RTF2: variants seen among roughly 807,000 people sequenced by gnomAD.
RTF2 encodes the protein replication termination factor 2.
In RTF2, 18 loss-of-function variants were observed where a neutral mutation model predicts 38.0. That is an observed-to-expected ratio of 0.47 (90% confidence interval 0.33 to 0.70). RTF2 has a LOEUF of 0.70. Among genes scored for constraint, RTF2 ranks in the 30% least tolerant of loss-of-function variants. The probability of loss-of-function intolerance (pLI) is 0.02; values close to 1 mark genes in which losing one functional copy is unlikely to be tolerated. For synonymous variants in RTF2, 126 were observed against 137.1 expected (o/e 0.92, Z 0.57); for missense variants, 311 against 379.6 (o/e 0.82, Z 1.50).
Position 56,518,541 on chromosome 20 carries a change from G to A in RTF2, c.*276G>A. The A allele has an allele frequency of 6.1e-6, 2 of 327,076 alleles. No homozygotes were observed. Among genetic ancestry groups the A allele is most frequent in the Non-Finnish European group, 1.1e-5 (2 of 180,854 alleles). 20.3% of individuals were successfully genotyped at this position (327,076 alleles called of 1,614,324 possible). On this transcript the variant is annotated 3_prime_UTR_variant, in exon 9 of 9. Coordinates refer to ENST00000357348, the MANE Select transcript of RTF2 (RefSeq NM_016407.5). ...CCATGGCCAGGAAGCCCTGTGGGCT[G>A]CACTTTTTATGCTTGCAGTAACAAG...
At chr20:56,497,623 G>T (rs1983641838) in intron 5 of RTF2, 1 of 1,272,390 alleles carries the variant, frequency 7.9e-7, no homozygotes, top group Non-Finnish European at 1.0e-6. Context: ...TGAGCTCCAG[G>T]TGCATTCTTA....
At chr20:56,512,337 C>T (rs1984728199) in intron 5 of RTF2, among the ~76,000 whole-genome samples, 1 of 152,124 alleles carries the variant, frequency 6.6e-6, no homozygotes, top group Non-Finnish European at 1.5e-5. Flanking sequence ...GTGCTAGGCA[C>T]TGGGTAGCTG....
chr20:56,488,075 G>C (rs1036307191), intron 5 of RTF2, among the ~76,000 whole-genome samples: 1 of 152,148 alleles, frequency 6.6e-6, no homozygotes, highest in Non-Finnish European at 1.5e-5. Context: ...ATCATAGAGC[G>C]TGGGGCCAGA....
At chr20:56,482,935 C>A (rs1320642230) in intron 4 of RTF2, among the ~76,000 whole-genome samples, 1 of 152,218 alleles carries the variant, frequency 6.6e-6, no homozygotes, top group Non-Finnish European at 1.5e-5. Flanking sequence ...TAGAAATCGA[C>A]ACGTATTCTT....
At chr20:56,495,219 A>G in intron 5 of RTF2, 3 of 1,551,272 alleles carry the variant, frequency 1.9e-6, no homozygotes, top group Non-Finnish European at 2.6e-6. Flanking sequence ...TCCATCATGA[A>G]CATTTCCTTC....
intron 5 of RTF2, chr20:56,497,548 T>G (rs375376983): frequency 7.2e-7 from 1 of 1,397,696 alleles, no homozygotes; most frequent in South Asian, 1.2e-5. Flanking sequence ...TAAAGAAAAA[T>G]GAAGATGCAA....
intron 1 of RTF2, chr20:56,470,473 C>A: frequency 2.4e-6 from 1 of 414,826 alleles, no homozygotes; most frequent in South Asian, 1.7e-5. Flanking sequence ...GTGAACAAGG[C>A]AGAGTCTAGC....
intron 1 of RTF2, among the ~76,000 whole-genome samples, chr20:56,471,339 C>A (rs553381315): frequency 7.8e-4 from 119 of 152,226 alleles, no homozygotes; most frequent in African/African-American, 2.6e-3. Flanking sequence ...GAGGCTGAAG[C>A]AGGCGGATCA....
At chr20:56,483,355 T>A (rs371891477) in intron 4 of RTF2, among the ~76,000 whole-genome samples, 1 of 151,596 alleles carries the variant, frequency 6.6e-6, no homozygotes, top group African/African-American at 2.4e-5. Context: ...TTTTTTTTTT[T>A]AAAGCGACAA....
intron 2 of RTF2, 129 bp downstream of exon 2, chr20:56,473,524 C>G (rs567125555): frequency 4.7e-6 from 3 of 633,898 alleles, no homozygotes; most frequent in South Asian, 3.5e-5. Context: ...GGCTGTCGTT[C>G]CCTGTCTCTG....
At chr20:56,505,909 A>T (rs1236168436) in intron 5 of RTF2, among the ~76,000 whole-genome samples, 2 of 152,180 alleles carry the variant, frequency 1.3e-5, no homozygotes, top group Non-Finnish European at 2.9e-5. Flanking sequence ...TTTACAAAAC[A>T]GGTGTCGTGA....
Position 56,473,276 on chromosome 20 carries a change from A to C in RTF2, c.70-25A>C, listed in dbSNP as rs1216072329. 1.4e-5 allele frequency: 22 copies of C among 1,525,976 alleles called. No individual in the cohort carries two copies. The East Asian group carries it at 4.7e-4, about 33-fold the overall frequency. The allele number at this position is 1,525,976 out of a possible 1,614,324, so 94.5% of individuals were successfully genotyped here. ...CATGTGTCTTTCAGAGTTGAAAATT[A>C]ATTGAATTTTTTGTTTTTTATTAGG... On this transcript the variant is annotated intron_variant, in intron 1 of 8. Transcript: ENST00000357348.
chr20:56,515,964 T>C (rs1006593842), intron 6 of RTF2: 1 of 152,240 alleles, frequency 6.6e-6, no homozygotes, highest in Non-Finnish European at 1.5e-5. Flanking sequence ...CCTGTGCTTT[T>C]CAAATAACCT....
chr20:56,468,656 C>T lies in RTF2; in HGVS notation c.-42C>T. The T allele has an allele frequency of 1.3e-6, 2 of 1,534,684 alleles. No individual in the cohort carries two copies. The highest frequency in any genetic ancestry group is 8.8e-7 in the Non-Finnish European group (1 of 1,131,774). Reference sequence around the variant, plus strand: ...ATTTCGCCGGAAATCCCGGAAGTGACAGCTTTGGGGGTTTGCTGCTGGCTC... The same window carrying T: ...ATTTCGCCGGAAATCCCGGAAGTGATAGCTTTGGGGGTTTGCTGCTGGCTC... On this transcript the variant is annotated 5_prime_UTR_variant, in exon 1 of 9. Coordinates refer to ENST00000357348, the MANE Select transcript of RTF2 (RefSeq NM_016407.5).
chr20:56,472,937 T>TG (rs200126486), intron 1 of RTF2, among the ~76,000 whole-genome samples: 2,086 of 152,158 alleles, frequency 0.014, 28 homozygotes, highest in Non-Finnish European at 0.022. Flanking sequence ...TCCAGGAGTT[T>TG]GGGGGCAGCA....
chr20:56,489,813 C>T (rs1363969260), intron 5 of RTF2, among the ~76,000 whole-genome samples: 1 of 152,202 alleles, frequency 6.6e-6, no homozygotes, highest in Non-Finnish European at 1.5e-5. Context: ...GGTTTACATT[C>T]AGTTGCTATT....
rs1478366813 is a variant in RTF2 at position 56,471,881 on chromosome 20, G to T, written c.70-1420G>T. Among the ~76,000 whole-genome samples the T allele has an allele frequency of 3.9e-5, 6 of 152,216 alleles. No homozygotes were observed. In the South Asian group the frequency reaches 6.2e-4, roughly 16 times the overall value. ...ATTAAAAAGTTATGGAAACTGCTTA[G>T]CACAGTGCCTGGCACACAGTAAGCA... On this transcript the variant is annotated intron_variant, in intron 1 of 8. Transcript: ENST00000357348.
intron 1 of RTF2, chr20:56,472,383 A>G: frequency 1.3e-6 from 2 of 1,546,246 alleles, no homozygotes; most frequent in South Asian, 2.4e-5. Context: ...AGGAAAAAAC[A>G]AGAACGGGAA....
intron 5 of RTF2, among the ~76,000 whole-genome samples, chr20:56,499,153 G>A (rs1983751585): frequency 6.6e-6 from 1 of 151,512 alleles, no homozygotes; most frequent in Non-Finnish European, 1.5e-5. Flanking sequence ...GAACCTTACA[G>A]CCTAATTTAA....
Sources: allele counts gnomAD v4.1 joint callset (sites outside exome capture counted in the v4.1 genomes callset), GRCh38; gene constraint gnomAD v4.1.1; transcripts MANE v1.5; gene names NCBI Gene and HGNC (gene_info 2026-07-23, HGNC 2026-07-21).